The following GLRA2 variants were observed in gnomAD, a reference collection of about 807,000 sequenced individuals.
GLRA2 encodes the protein glycine receptor alpha 2.
Under a neutral mutation model 31.6 loss-of-function variants are expected in GLRA2, and 11 were observed. That is an observed-to-expected ratio of 0.35 (90% confidence interval 0.22 to 0.58). GLRA2 has a LOEUF of 0.58. GLRA2 is among the 20% of genes least tolerant of loss of function. The probability of loss-of-function intolerance (pLI) is 0.84; values close to 1 mark genes in which losing one functional copy is unlikely to be tolerated. For missense variants in GLRA2, 212 were observed against 351.8 expected (o/e 0.60, Z 3.18); for synonymous variants, 132 against 134.0 (o/e 0.99, Z 0.10).
At position 14,636,613 on chromosome X, in the gene GLRA2, G is replaced by A. The variant is rs1381278117; in HGVS notation, c.930+27408G>A. Among the ~76,000 whole-genome samples the A allele has an allele frequency of 2.7e-5, 3 of 110,939 alleles. No homozygotes were observed. In the South Asian group the frequency reaches 1.2e-3, roughly 43 times the overall value. The stretch of plus-strand genomic sequence containing the variant: ...CCTAAGGAGAGAATGATAACTAAAT[G>A]TAACATGGTATCCTGGATGGAATCC... On this transcript the variant is annotated intron_variant, in intron 7 of 8. Transcript: ENST00000218075.
the GLRA2 span, among the ~76,000 whole-genome samples, chrX:14,514,685 A>C: frequency 4.5e-5 from 5 of 111,470 alleles, no homozygotes; most frequent in Non-Finnish European, 9.4e-5. Flanking sequence ...TCTCCAGTTA[A>C]AAATGTTAAT....
intron 4 of GLRA2, among the ~76,000 whole-genome samples, chrX:14,587,454 C>T (rs1380738658): frequency 8.9e-6 from 1 of 111,893 alleles, no homozygotes; most frequent in African/African-American, 3.2e-5. Context: ...GTATCTGTTG[C>T]TTTTTGACTT....
At chrX:14,566,775 CA>C (rs1250222963) in intron 2 of GLRA2, among the ~76,000 whole-genome samples, 1 of 111,335 alleles carries the variant, frequency 9.0e-6, no homozygotes, top group African/African-American at 3.3e-5. Flanking sequence ...CTCTCAGTTA[CA>C]AAATGACCAC....
chrX:14,567,033 A>C (rs1327533465), intron 2 of GLRA2, among the ~76,000 whole-genome samples: 1 of 111,335 alleles, frequency 9.0e-6, no homozygotes, highest in African/African-American at 3.3e-5. Context: ...TGTTCTTGCA[A>C]TCTGACCCCT....
Position 14,730,594 on chromosome X carries a change from G to A in GLRA2, c.*109G>A, listed in dbSNP as rs2147276024. 1 of 108,950 alleles carries A rather than the reference G, an allele frequency of 9.2e-6. No individual in the cohort carries two copies. Among genetic ancestry groups the A allele is most frequent in the Non-Finnish European group, 1.8e-5 (1 of 56,074 alleles). 9.0% of individuals were successfully genotyped at this position (108,950 alleles called of 1,213,427 possible). On this transcript the variant is annotated 3_prime_UTR_variant, in exon 9 of 9. Coordinates refer to ENST00000218075, the MANE Select transcript of GLRA2 (RefSeq NM_002063.4). Reference sequence around the variant, plus strand: ...CAGAGGAGAAGATTGAGGGAGGGGGGAGGGAGGGTCATGGGGGTGGGTTTC... The same window carrying A: ...CAGAGGAGAAGATTGAGGGAGGGGGAAGGGAGGGTCATGGGGGTGGGTTTC...
At chrX:14,647,276 A>C (rs1274173072) in intron 7 of GLRA2, among the ~76,000 whole-genome samples, 2 of 112,421 alleles carry the variant, frequency 1.8e-5, no homozygotes, top group Admixed American at 1.9e-4. Context: ...AATTTAAGCT[A>C]AAGACTGATT....
At chrX:14,463,806 C>A in the GLRA2 span, among the ~76,000 whole-genome samples, 53 of 111,803 alleles carry the variant, frequency 4.7e-4, no homozygotes, top group Admixed American at 7.6e-4. Flanking sequence ...AGAGGGAAAT[C>A]CCCTGACCCC....
the GLRA2 span, among the ~76,000 whole-genome samples, chrX:14,476,853 G>A: frequency 8.9e-6 from 1 of 111,907 alleles, no homozygotes; most frequent in Non-Finnish European, 1.9e-5. Context: ...TGAAAGTAAC[G>A]GGAAAAACTG....
the GLRA2 span, among the ~76,000 whole-genome samples, chrX:14,449,137 A>G: frequency 8.9e-6 from 1 of 112,089 alleles, no homozygotes. Flanking sequence ...GTAAACCATC[A>G]CACTTCAAAC....
intron 7 of GLRA2, among the ~76,000 whole-genome samples, chrX:14,650,628 G>A (rs1225244501): frequency 9.0e-6 from 1 of 111,159 alleles, no homozygotes; most frequent in Non-Finnish European, 1.9e-5. Context: ...CAAAAAAAAT[G>A]TAACTTGTGC....
the GLRA2 span, among the ~76,000 whole-genome samples, chrX:14,507,780 G>T: frequency 5.6e-5 from 5 of 88,899 alleles, no homozygotes; most frequent in East Asian, 1.8e-3. Flanking sequence ...TGCAACCTCC[G>T]CCTCCTGGGT....
At chrX:14,566,448 C>T (rs1021542310) in intron 2 of GLRA2, among the ~76,000 whole-genome samples, 32 of 111,921 alleles carry the variant, frequency 2.9e-4, no homozygotes, top group African/African-American at 9.1e-4. Context: ...TTCTATGAGT[C>T]CAGCATTACT....
At chrX:14,553,682 A>G (rs1312896045) in intron 2 of GLRA2, among the ~76,000 whole-genome samples, 3 of 111,445 alleles carry the variant, frequency 2.7e-5, no homozygotes, top group Non-Finnish European at 5.7e-5. Context: ...GATCCAAGCC[A>G]TTTTGCCCAC....
chrX:14,660,834 A>G (rs1283215351), intron 7 of GLRA2, among the ~76,000 whole-genome samples: 1 of 112,361 alleles, frequency 8.9e-6, no homozygotes, highest in Non-Finnish European at 1.9e-5. Context: ...CTGCGATTAG[A>G]ACAGGTTAAT....
At chrX:14,566,923 C>T (rs1348296353) in intron 2 of GLRA2, among the ~76,000 whole-genome samples, 1 of 111,491 alleles carries the variant, frequency 9.0e-6, no homozygotes. Context: ...TGCACCCTGA[C>T]CTCTACATGT....
At chrX:14,649,161 C>A (rs2090863889) in intron 7 of GLRA2, among the ~76,000 whole-genome samples, 1 of 109,870 alleles carries the variant, frequency 9.1e-6, no homozygotes, top group Non-Finnish European at 1.9e-5. Context: ...TTGCAGTGAG[C>A]CGAGATCGCG....
chrX:14,563,778 T>C (rs936414656), intron 2 of GLRA2, among the ~76,000 whole-genome samples: 1 of 110,199 alleles, frequency 9.1e-6, no homozygotes, highest in African/African-American at 3.3e-5. Flanking sequence ...GAAATATAAA[T>C]TGTAAAAAAA....
chrX:14,521,859 T>TA, the GLRA2 span, among the ~76,000 whole-genome samples: 32 of 112,350 alleles, frequency 2.8e-4, no homozygotes, highest in Middle Eastern at 4.6e-3. Flanking sequence ...ACATTATTGC[T>TA]AAAAAATGCT....
chrX:14,671,515 G>C (rs189662089), intron 7 of GLRA2, among the ~76,000 whole-genome samples: 2 of 96,944 alleles, frequency 2.1e-5, no homozygotes, highest in Non-Finnish European at 4.4e-5. Context: ...AAACTGTGTA[G>C]AATTCTCTTC....
Sources: gnomAD v4.1 joint callset for allele counts (sites outside exome capture counted in the v4.1 genomes callset) on GRCh38, gnomAD v4.1.1 for gene constraint, MANE v1.5 for transcripts, NCBI Gene and HGNC (gene_info 2026-07-23, HGNC 2026-07-21) for gene names.